RTN4RL1: variants seen among roughly 807,000 people sequenced by gnomAD.
The protein encoded by RTN4RL1 is reticulon 4 receptor like 1, also known as reticulon-4 receptor-like 1.
RTN4RL1 carries 7 observed loss-of-function variants against 25.6 expected under a neutral mutation model. The observed-to-expected ratio is 0.27, with a 90% CI of 0.16 to 0.51. The LOEUF is 0.51. RTN4RL1 is among the 20% of genes least tolerant of loss of function. RTN4RL1 has a pLI of 0.97. For synonymous variants in RTN4RL1, 297 were observed against 288.2 expected (o/e 1.03, Z -0.31); for missense variants, 500 against 615.6 (o/e 0.81, Z 1.99).
Position 1,998,600 on chromosome 17 carries a change from G to A in RTN4RL1, c.13+26253C>T, listed in dbSNP as rs2066940880. Among the ~76,000 whole-genome samples, 1 of 152,136 alleles carries A rather than the reference G, an allele frequency of 6.6e-6. No homozygotes were observed. Among genetic ancestry groups the A allele is most frequent in the African/African-American group, 2.4e-5 (1 of 41,442 alleles). On this transcript the variant is annotated intron_variant, in intron 1 of 1. Transcript: ENST00000331238. This position sits in a 1 kb window ranked among gnomAD's most constrained non-coding sequence, Gnocchi z 4.9. Reference sequence around the variant, plus strand: ...TTACAGACGTGAACGCTGAGGCGGAGGGTGGGGGACGTGGGGCCGGCTCGC... The same window carrying A: ...TTACAGACGTGAACGCTGAGGCGGAAGGTGGGGGACGTGGGGCCGGCTCGC...
intron 1 of RTN4RL1, among the ~76,000 whole-genome samples, chr17:1,996,135 T>C (rs1412909315): frequency 6.6e-6 from 1 of 152,184 alleles, no homozygotes; most frequent in African/African-American, 2.4e-5. Flanking sequence ...TTCCCGGTAC[T>C]CTCATCATCT....
chr17:1,958,255 AAC>A, intron 1 of RTN4RL1, among the ~76,000 whole-genome samples: 1 of 152,300 alleles, frequency 6.6e-6, no homozygotes, highest in East Asian at 1.9e-4. Flanking sequence ...TCAAGATTCA[AAC>A]AAGATTGCCG....
At chr17:1,975,059 C>T (rs768498828) in intron 1 of RTN4RL1, among the ~76,000 whole-genome samples, 3 of 152,180 alleles carry the variant, frequency 2.0e-5, no homozygotes, top group East Asian at 1.9e-4. Context: ...TTGGCACCTG[C>T]GGCACCCCCA....
chr17:1,950,441 C>A (rs551814890), intron 1 of RTN4RL1, among the ~76,000 whole-genome samples: 3 of 152,136 alleles, frequency 2.0e-5, no homozygotes, highest in East Asian at 3.8e-4. Flanking sequence ...GGATGCATAA[C>A]GTCCGAGAAG....
intron 1 of RTN4RL1, among the ~76,000 whole-genome samples, chr17:1,992,040 C>T (rs975262114): frequency 5.9e-5 from 9 of 151,694 alleles, no homozygotes; most frequent in African/African-American, 1.9e-4. Context: ...ACATGGGCCA[C>T]GTAGGAGCAA....
intron 1 of RTN4RL1, among the ~76,000 whole-genome samples, chr17:1,944,465 G>A (rs1213633057): frequency 6.6e-6 from 1 of 151,760 alleles, no homozygotes; most frequent in Admixed American, 6.6e-5. Context: ...AAACACCTTA[G>A]AAATATTTTA....
intron 1 of RTN4RL1, among the ~76,000 whole-genome samples, chr17:2,005,417 C>A (rs1224125558): frequency 6.6e-6 from 1 of 152,204 alleles, no homozygotes; most frequent in Non-Finnish European, 1.5e-5. Flanking sequence ...AAAGGTAATT[C>A]CCAGATTTCA....
intron 1 of RTN4RL1, among the ~76,000 whole-genome samples, chr17:1,968,185 C>T (rs1299326989): frequency 6.6e-6 from 1 of 152,172 alleles, no homozygotes; most frequent in Non-Finnish European, 1.5e-5. Flanking sequence ...CAATTCCGAA[C>T]TGCTTTCCGC....
intron 1 of RTN4RL1, chr17:2,003,302 C>T (rs1259185239): frequency 6.6e-6 from 1 of 152,218 alleles, no homozygotes; most frequent in African/African-American, 2.4e-5. Context: ...GTTATGGCTC[C>T]TAAAACAGGG....
chr17:1,990,561 ATGTG>A (rs1317839643), intron 1 of RTN4RL1, among the ~76,000 whole-genome samples: 1 of 151,372 alleles, frequency 6.6e-6, no homozygotes, highest in East Asian at 1.9e-4. Context: ...TATTAGCCAG[ATGTG>A]TGGCATGCAC....
intron 1 of RTN4RL1, among the ~76,000 whole-genome samples, chr17:2,008,793 C>T (rs2067021020): frequency 6.6e-6 from 1 of 152,106 alleles, no homozygotes; most frequent in Admixed American, 6.6e-5. Context: ...AGCCTCTCTT[C>T]CTCTCACAAA....
intron 1 of RTN4RL1, among the ~76,000 whole-genome samples, chr17:1,960,050 G>A (rs759531331): frequency 7.2e-5 from 11 of 152,182 alleles, no homozygotes; most frequent in Non-Finnish European, 1.3e-4. Flanking sequence ...GACACCTGTA[G>A]CATTTCGGCT....
chr17:1,971,034 C>T (rs929891395), intron 1 of RTN4RL1, among the ~76,000 whole-genome samples: 11 of 152,140 alleles, frequency 7.2e-5, no homozygotes, highest in South Asian at 4.2e-4. Flanking sequence ...GTACATTACC[C>T]GACCTCTTAC....
rs1329432372 is a variant in RTN4RL1, at chr17:1,998,167, G to T, written c.13+26686C>A. Among the ~76,000 whole-genome samples the T allele has an allele frequency of 6.6e-6, 1 of 152,142 alleles. No homozygotes were observed. The highest frequency in any genetic ancestry group is 1.5e-5 in the Non-Finnish European group (1 of 67,992). On this transcript the variant is annotated intron_variant, in intron 1 of 1. Coordinates refer to ENST00000331238, the MANE Select transcript of RTN4RL1 (RefSeq NM_178568.4). The surrounding 1 kb of genome is among the most constrained non-coding windows in gnomAD (Gnocchi z 4.9). The stretch of plus-strand genomic sequence containing the variant: ...GCGGGGAGGCCTCCTTGGCTCCCTG[G>T]CCCGGATTAAATATTTACTATGTTT...
At chr17:1,940,404 C>T (rs543982166) in intron 1 of RTN4RL1, among the ~76,000 whole-genome samples, 27 of 152,288 alleles carry the variant, frequency 1.8e-4, no homozygotes, top group African/African-American at 6.0e-4. Flanking sequence ...GCAGGCTGGG[C>T]CGAGGCTGCT....
chr17:1,961,709 C>T (rs2066762374), intron 1 of RTN4RL1, among the ~76,000 whole-genome samples: 1 of 144,274 alleles, frequency 6.9e-6, no homozygotes, highest in African/African-American at 2.6e-5. Flanking sequence ...GGGCAGATCA[C>T]TTGAGGTCAG....
At chr17:1,963,979 G>A (rs903071984) in intron 1 of RTN4RL1, among the ~76,000 whole-genome samples, 2 of 152,088 alleles carry the variant, frequency 1.3e-5, no homozygotes, top group African/African-American at 2.4e-5. Flanking sequence ...CACCTGCCTC[G>A]GCCTCCCAAA....
At chr17:1,942,054 C>G (rs1915448801) in intron 1 of RTN4RL1, among the ~76,000 whole-genome samples, 1 of 152,172 alleles carries the variant, frequency 6.6e-6, no homozygotes, top group Non-Finnish European at 1.5e-5. Context: ...CCCTGCACCC[C>G]TCCCACCAGC....
intron 1 of RTN4RL1, among the ~76,000 whole-genome samples, chr17:2,000,961 C>T (rs1490388026): frequency 1.3e-5 from 2 of 152,112 alleles, no homozygotes; most frequent in Non-Finnish European, 2.9e-5. Context: ...CCTTTGTGAG[C>T]TGTGGAGGGT....
Sources: gnomAD v4.1 joint callset for allele counts (sites outside exome capture counted in the v4.1 genomes callset) on GRCh38, gnomAD v4.1.1 for gene constraint, Gnocchi (gnomAD v3.1) non-coding constraint, MANE v1.5 for transcripts, NCBI Gene and HGNC (gene_info 2026-07-23, HGNC 2026-07-21) for gene names.